The following ATP5MK variants were observed in gnomAD, a reference collection of about 807,000 sequenced individuals.
The protein encoded by ATP5MK is ATP synthase membrane subunit k.
A neutral mutation model predicts 6.6 loss-of-function variants in ATP5MK; 5 were observed. That is an observed-to-expected ratio of 0.76 (90% confidence interval 0.40 to 1.60). The LOEUF (loss-of-function observed/expected upper bound fraction) is 1.60. Among genes scored for constraint, ATP5MK ranks in the 40% most tolerant of loss-of-function variants. ATP5MK has a pLI of 0.02. For missense variants in ATP5MK, 57 were observed against 66.6 expected (o/e 0.86, Z 0.50); for synonymous variants, 30 against 24.5 (o/e 1.22, Z -0.66).
chr10:103,391,527 G>T (rs1288007140), intron 4 of ATP5MK, among the ~76,000 whole-genome samples: 2 of 151,014 alleles, frequency 1.3e-5, no homozygotes, highest in African/African-American at 4.9e-5. Context: ...TTTTTTTTGA[G>T]ACAAAGTCTT....
chr10:103,390,600 C>T (rs1241754132), intron 4 of ATP5MK, among the ~76,000 whole-genome samples: 2 of 152,046 alleles, frequency 1.3e-5, no homozygotes, highest in Admixed American at 1.3e-4. Context: ...ACCAGCCTGA[C>T]CAACACGGTG....
At chr10:103,395,239 C>T (rs1485505113) in intron 2 of ATP5MK, among the ~76,000 whole-genome samples, 1 of 152,138 alleles carries the variant, frequency 6.6e-6, no homozygotes, top group Non-Finnish European at 1.5e-5. Flanking sequence ...TTACAGTGCC[C>T]TTTGTAAGAC....
intron 4 of ATP5MK, 63 bp downstream of exon 4, chr10:103,392,128 G>A: frequency 6.9e-7 from 1 of 1,447,592 alleles, no homozygotes; most frequent in Middle Eastern, 2.5e-4. Flanking sequence ...TATACTAAAT[G>A]TTAGGGAAAA....
At chr10:103,393,429 A>C (rs2093420311) in intron 2 of ATP5MK, among the ~76,000 whole-genome samples, 1 of 151,794 alleles carries the variant, frequency 6.6e-6, no homozygotes, top group South Asian at 2.1e-4. Flanking sequence ...AAATACAAAA[A>C]ATTAGCCGGG....
At chr10:103,390,381 C>T (rs1487988799) in intron 4 of ATP5MK, among the ~76,000 whole-genome samples, 1 of 152,136 alleles carries the variant, frequency 6.6e-6, no homozygotes, top group Admixed American at 6.5e-5. Flanking sequence ...GAAATCCCAG[C>T]TATTCAGGAG....
intron 4 of ATP5MK, among the ~76,000 whole-genome samples, chr10:103,391,780 T>C (rs929670757): frequency 1.3e-5 from 2 of 152,088 alleles, no homozygotes; most frequent in Non-Finnish European, 2.9e-5. Flanking sequence ...TGTGCTGGGA[T>C]TACAGGCACA....
chr10:103,392,091 T>A (rs1269522150), intron 4 of ATP5MK, 100 bp downstream of exon 4: 24 of 1,082,710 alleles, frequency 2.2e-5, no homozygotes, highest in Non-Finnish European at 3.2e-5. Flanking sequence ...ATGCTATAAA[T>A]TTTGCAAAAT....
chr10:103,389,515 G>A (rs939587747), intron 4 of ATP5MK, among the ~76,000 whole-genome samples: 4 of 151,798 alleles, frequency 2.6e-5, no homozygotes, highest in Non-Finnish European at 5.9e-5. Context: ...TAGAGACAGG[G>A]TTTCACCATG....
In ATP5MK at chr10:103,394,739, TC is replaced by T. The variant is rs1303725883; in HGVS notation, c.-10+1006del. On this transcript the variant is annotated intron_variant, in intron 2 of 4. Coordinates refer to ENST00000369815, the MANE Select transcript of ATP5MK (RefSeq NM_001206427.2). Reference sequence around the variant, plus strand: ...TTACTAAACTTACTAAAGACATACTTCCCCCCGCCCCCCGCCCCCCCACCAG... The same window carrying T: ...TTACTAAACTTACTAAAGACATACTTCCCCCGCCCCCCGCCCCCCCACCAG... Among the ~76,000 whole-genome samples the T allele has an allele frequency of 2.1e-5, 3 of 142,550 alleles. No homozygotes were observed. In the East Asian group the frequency reaches 6.3e-4, roughly 30 times the overall value. 93.5% of individuals were successfully genotyped at this position (142,550 alleles called of 152,430 possible).
At chr10:103,390,604 C>A (rs1286285961) in intron 4 of ATP5MK, among the ~76,000 whole-genome samples, 1 of 152,138 alleles carries the variant, frequency 6.6e-6, no homozygotes, top group Non-Finnish European at 1.5e-5. Flanking sequence ...GCCTGACCAA[C>A]ACGGTGAAAC....
chr10:103,396,251 G>A (rs1365473200), intron 1 of ATP5MK, among the ~76,000 whole-genome samples, 158 bp downstream of exon 1: 2 of 152,186 alleles, frequency 1.3e-5, no homozygotes, highest in Non-Finnish European at 2.9e-5. Flanking sequence ...CCCGCTGGCC[G>A]CCCCCTTGCG....
chr10:103,389,135 A>T lies in ATP5MK; in HGVS notation c.*35T>A, dbSNP rs1423296679. The T allele has an allele frequency of 6.6e-6, 1 of 152,644 alleles. No homozygotes were observed. Among genetic ancestry groups the T allele is most frequent in the African/African-American group, 2.4e-5 (1 of 41,454 alleles). 9.5% of individuals were successfully genotyped at this position (152,644 alleles called of 1,614,324 possible). ...TTCTCCAGGCATGGGAACTTAACAG[A>T]TGAGGTTAAGAACCGTAGACAGTTT... On this transcript the variant is annotated 3_prime_UTR_variant, in exon 5 of 5. Coordinates refer to ENST00000369815, the MANE Select transcript of ATP5MK (RefSeq NM_001206427.2).
intron 2 of ATP5MK, among the ~76,000 whole-genome samples, chr10:103,394,739 T>TCCCCCCG (rs374289593): frequency 7.0e-6 from 1 of 142,550 alleles, no homozygotes; most frequent in African/African-American, 2.6e-5. Flanking sequence ...AAGACATACT[T>TCCCCCCG]CCCCCCGCCC....
chr10:103,394,359 C>G (rs757138030), intron 2 of ATP5MK: 4 of 530,930 alleles, frequency 7.5e-6, no homozygotes, highest in Admixed American at 5.8e-5. Flanking sequence ...GAGGTCCGGT[C>G]GAGATTGGTA....
chr10:103,394,699 A>G (rs2093424924), intron 2 of ATP5MK, among the ~76,000 whole-genome samples: 1 of 151,432 alleles, frequency 6.6e-6, no homozygotes, highest in African/African-American at 2.4e-5. Context: ...TAATGTAGCT[A>G]TCAACTGTTC....
At chr10:103,392,323 C>T (rs372198815) in intron 3 of ATP5MK, 40 bp from the exon 4 acceptor site, 2 of 1,595,600 alleles carry the variant, frequency 1.3e-6, no homozygotes, top group African/African-American at 1.4e-5. Flanking sequence ...CTTGTTGTTC[C>T]ATCTATATTA....
chr10:103,394,916 T>C (rs1297051281), intron 2 of ATP5MK, among the ~76,000 whole-genome samples: 2 of 152,012 alleles, frequency 1.3e-5, no homozygotes, highest in African/African-American at 4.8e-5. Context: ...TAGGAGGATA[T>C]GCCCAACAAT....
chr10:103,393,550 A>T (rs1260007423), intron 2 of ATP5MK, among the ~76,000 whole-genome samples: 4 of 151,808 alleles, frequency 2.6e-5, no homozygotes, highest in African/African-American at 9.7e-5. Context: ...ACTGCACTCC[A>T]GCCTGGGCGA....
At chr10:103,389,607 G>A (rs2093407814) in intron 4 of ATP5MK, among the ~76,000 whole-genome samples, 1 of 152,116 alleles carries the variant, frequency 6.6e-6, no homozygotes, top group Admixed American at 6.5e-5. Context: ...ACAGGTGTAA[G>A]CCACTGTGCC....
Sources: allele counts gnomAD v4.1 joint callset (sites outside exome capture counted in the v4.1 genomes callset), GRCh38; gene constraint gnomAD v4.1.1; transcripts MANE v1.5; gene names NCBI Gene and HGNC (gene_info 2026-07-23, HGNC 2026-07-21).